Variants in TP53INP1 observed in about 807,000 individuals in gnomAD.
TP53INP1 encodes tumor protein p53 inducible nuclear protein 1.
Under a neutral mutation model 21.0 loss-of-function variants are expected in TP53INP1, and 12 were observed. That is an observed-to-expected ratio of 0.57 (90% CI 0.37 to 0.93). The LOEUF (loss-of-function observed/expected upper bound fraction) is 0.93. TP53INP1 is among the 40% of genes least tolerant of loss of function. The probability of loss-of-function intolerance (pLI) is 0.01; values close to 1 mark genes in which losing one functional copy is unlikely to be tolerated. For missense variants in TP53INP1, 274 were observed against 294.7 expected (o/e 0.93, Z 0.51); for synonymous variants, 91 against 94.8 (o/e 0.96, Z 0.23).
Position 94,938,381 on chromosome 8 carries a change from T to C in TP53INP1, c.473+1479A>G, listed in dbSNP as rs564969721. Among the ~76,000 whole-genome samples the C allele has an allele frequency of 1.4e-4, 22 of 152,326 alleles. No individual in the cohort carries two copies. The Middle Eastern group carries it at 0.014, about 94-fold the overall frequency. Reference sequence around the variant, plus strand: ...GGCTGGACTGTGATACTGTAAAATATATATTCGGTCTTGTCAGTCTCCTGG... The same window carrying C: ...GGCTGGACTGTGATACTGTAAAATACATATTCGGTCTTGTCAGTCTCCTGG... On this transcript the variant is annotated intron_variant, in intron 3 of 3. Transcript: ENST00000342697.
intron 3 of TP53INP1, among the ~76,000 whole-genome samples, chr8:94,933,264 A>G (rs929512694): frequency 1.3e-5 from 2 of 152,212 alleles, no homozygotes; most frequent in African/African-American, 4.8e-5. Flanking sequence ...TATATATGGA[A>G]AAGTATGTAT....
At chr8:94,947,985 G>A (rs1822164288) in intron 1 of TP53INP1, among the ~76,000 whole-genome samples, 1 of 152,116 alleles carries the variant, frequency 6.6e-6, no homozygotes, top group Non-Finnish European at 1.5e-5. Flanking sequence ...AGTATCGTGG[G>A]GGAACTCATT....
At chr8:94,936,853 C>T (rs1414352970) in intron 3 of TP53INP1, among the ~76,000 whole-genome samples, 1 of 152,136 alleles carries the variant, frequency 6.6e-6, no homozygotes, top group Non-Finnish European at 1.5e-5. Context: ...AGACAGGCTG[C>T]ATCTAGACAT....
intron 1 of TP53INP1, among the ~76,000 whole-genome samples, chr8:94,942,492 A>G (rs1198453513): frequency 6.6e-6 from 1 of 152,170 alleles, no homozygotes; most frequent in Non-Finnish European, 1.5e-5. Flanking sequence ...AAAACTGTCT[A>G]CTAGACAGTC....
chr8:94,932,585 T>C (rs1427662464), intron 3 of TP53INP1, among the ~76,000 whole-genome samples: 1 of 151,796 alleles, frequency 6.6e-6, no homozygotes, highest in Admixed American at 6.6e-5. Context: ...GGGCGGATCG[T>C]GAGGTCAGGA....
At chr8:94,945,872 C>T (rs1231346012) in intron 1 of TP53INP1, among the ~76,000 whole-genome samples, 2 of 152,158 alleles carry the variant, frequency 1.3e-5, no homozygotes, top group African/African-American at 4.8e-5. Flanking sequence ...GAGAAAAGAA[C>T]CCCTCAATAC....
chr8:94,931,471 T>C (rs1422445102), intron 3 of TP53INP1, among the ~76,000 whole-genome samples: 2 of 152,114 alleles, frequency 1.3e-5, no homozygotes, highest in Non-Finnish European at 2.9e-5. Context: ...GTAGGATTGC[T>C]GTAAACTATG....
At chr8:94,930,776 T>A in intron 3 of TP53INP1, 48 bp from the exon 4 acceptor site, 1 of 1,583,704 alleles carries the variant, frequency 6.3e-7, no homozygotes, top group African/African-American at 1.4e-5. Flanking sequence ...AGTATGTTAT[T>A]AACAAAACTG....
chr8:94,936,243 A>C (rs1221377282), intron 3 of TP53INP1, among the ~76,000 whole-genome samples: 2 of 152,176 alleles, frequency 1.3e-5, no homozygotes, highest in East Asian at 3.9e-4. Context: ...GAGAAACACT[A>C]ATTAGGAGGG....
At chr8:94,933,846 G>GA (rs1820697301) in intron 3 of TP53INP1, among the ~76,000 whole-genome samples, 1 of 140,616 alleles carries the variant, frequency 7.1e-6, no homozygotes, top group South Asian at 2.4e-4. Flanking sequence ...GGGGGGGGGG[G>GA]AGGATCACGA....
intron 1 of TP53INP1, among the ~76,000 whole-genome samples, chr8:94,941,834 T>C (rs1157019966): frequency 6.6e-6 from 1 of 152,224 alleles, no homozygotes; most frequent in Non-Finnish European, 1.5e-5. Context: ...GAGTTCTAAA[T>C]GAAGAACTCC....
At chr8:94,936,088 A>G (rs571604611) in intron 3 of TP53INP1, among the ~76,000 whole-genome samples, 8 of 152,322 alleles carry the variant, frequency 5.3e-5, no homozygotes, top group African/African-American at 1.9e-4. Flanking sequence ...CTCAGTAACA[A>G]CTACTAGCAC....
chr8:94,930,374 G>T lies in TP53INP1; in HGVS notation c.*105C>A. 3 of 1,448,514 alleles carry T rather than the reference G, an allele frequency of 2.1e-6. No homozygotes were observed. The highest frequency in any genetic ancestry group is 2.8e-6 in the Non-Finnish European group (3 of 1,061,022). 89.7% of individuals were successfully genotyped at this position (1,448,514 alleles called of 1,614,324 possible). ...AATACACTGATAAAACTATGTGATT[G>T]GTTATCAATTGGTTGTAAAGAGACA... On this transcript the variant is annotated 3_prime_UTR_variant, in exon 4 of 4. Coordinates refer to ENST00000342697, the MANE Select transcript of TP53INP1 (RefSeq NM_033285.4).
intron 1 of TP53INP1, among the ~76,000 whole-genome samples, chr8:94,941,816 G>A (rs2945557): frequency 6.6e-6 from 1 of 152,216 alleles, no homozygotes; most frequent in Non-Finnish European, 1.5e-5. Context: ...ACCTTAGGGA[G>A]TTCTGGTGAG....
Position 94,933,833 on chromosome 8 carries a change from G to GT in TP53INP1, c.474-3106dup, listed in dbSNP as rs1191045780. Among the ~76,000 whole-genome samples the GT allele has an allele frequency of 6.3e-3, 639 of 101,946 alleles. 40 individuals are homozygous for GT. Among genetic ancestry groups the GT allele is most frequent in the South Asian group, 0.015 (35 of 2,272 alleles). The allele number at this position is 101,946 out of a possible 152,430, so 66.9% of individuals were successfully genotyped here. On this transcript the variant is annotated intron_variant, in intron 3 of 3. Transcript: ENST00000342697. Reference sequence around the variant, plus strand: ...CTCATGCCTGTAATCCCAGCACTTTGTGGGGGGGGGGGGAGGATCACGAGG... The same window carrying GT: ...CTCATGCCTGTAATCCCAGCACTTTGTTGGGGGGGGGGGGAGGATCACGAGG...
Position 94,940,827 on chromosome 8 carries a change from T to C in TP53INP1, c.112+3A>G. 6.2e-7 allele frequency: 1 copy of C among 1,606,776 alleles called. No homozygotes were observed. The highest frequency in any genetic ancestry group is 8.5e-7 in the Non-Finnish European group (1 of 1,175,032). On this transcript the variant is annotated splice_donor_region_variant and intron_variant, in intron 2 of 3. Coordinates refer to ENST00000342697, the MANE Select transcript of TP53INP1 (RefSeq NM_033285.4). ...AACCACCAAGTAACCAAGTGTACCT[T>C]ACCTATGAAGTCAACAAGAATCCAT... is the stretch of plus-strand genomic sequence containing the variant.
chr8:94,930,749 G>T, intron 3 of TP53INP1, 21 bp from the exon 4 acceptor site: 1 of 1,611,516 alleles, frequency 6.2e-7, no homozygotes, highest in East Asian at 2.2e-5. Flanking sequence ...AAAAAGTGGG[G>T]ATGTATTAAA....
intron 1 of TP53INP1, among the ~76,000 whole-genome samples, chr8:94,944,135 C>A (rs1296147439): frequency 6.6e-6 from 1 of 152,182 alleles, no homozygotes; most frequent in Non-Finnish European, 1.5e-5. Context: ...TCTGCTGAAC[C>A]AGTTGAGAGA....
rs955288884 is a variant in TP53INP1, at chr8:94,927,336, A to G, written c.*3143T>C. On this transcript the variant is annotated 3_prime_UTR_variant, in exon 4 of 4. Transcript: ENST00000342697. ...AATGAAGACATAATGATTACAAACC[A>G]GTGTACTATACAGATTTCAGAAGCA... 1.3e-5 allele frequency: 2 copies of G among 152,310 alleles called. No homozygotes were observed. Among genetic ancestry groups the G allele is most frequent in the Non-Finnish European group, 2.9e-5 (2 of 68,030 alleles). 9.4% of individuals were successfully genotyped at this position (152,310 alleles called of 1,614,324 possible).
Sources: allele counts gnomAD v4.1 joint callset (sites outside exome capture counted in the v4.1 genomes callset), GRCh38; gene constraint gnomAD v4.1.1; transcripts MANE v1.5; gene names NCBI Gene and HGNC (gene_info 2026-07-23, HGNC 2026-07-21).